Variants in PIWIL1 observed in about 807,000 individuals in gnomAD.
PIWIL1 encodes piwi-like protein 1.
A neutral mutation model predicts 114.4 loss-of-function variants in PIWIL1; 73 were observed. The ratio of observed to expected loss-of-function variants is 0.64; its 90% confidence interval spans 0.53 to 0.78. PIWIL1 has a LOEUF of 0.78. Ranked by LOEUF, PIWIL1 falls within the 30% of genes least tolerant of loss-of-function variation. PIWIL1 has a pLI of 0.00. For missense variants in PIWIL1, 723 were observed against 1,063.1 expected (o/e 0.68, Z 4.45); for synonymous variants, 375 against 369.0 (o/e 1.02, Z -0.19).
chr12:130,391,632 G>T, the PIWIL1 span, among the ~76,000 whole-genome samples: 1 of 152,166 alleles, frequency 6.6e-6, no homozygotes, highest in African/African-American at 2.4e-5. Context: ...AGTGCGGAAT[G>T]GTCACGAGGC....
chr12:130,413,378 C>A, the PIWIL1 span, among the ~76,000 whole-genome samples: 9 of 152,092 alleles, frequency 5.9e-5, no homozygotes, highest in Non-Finnish European at 1.0e-4. Flanking sequence ...GCCTGTAATC[C>A]CAGCACTTTG....
chr12:130,354,817 C>A lies in PIWIL1; in HGVS notation c.1172-71C>A, dbSNP rs1172400447. 3.6e-6 allele frequency: 5 copies of A among 1,399,088 alleles called. No homozygotes were observed. In the African/African-American group the frequency reaches 4.3e-5, roughly 12 times the overall value. 86.7% of individuals were successfully genotyped at this position (1,399,088 alleles called of 1,614,324 possible). A position where few individuals can be genotyped will look rare whatever the true frequency, so the allele number is the denominator to read the frequency against. The stretch of plus-strand genomic sequence containing the variant: ...TCCTGGGAATTCCCACTCACCATCA[C>A]CCTATACTCCAGTTATTTAGACCTG... On this transcript the variant is annotated intron_variant, in intron 10 of 20. Transcript: ENST00000245255.
At chr12:130,420,621 C>T in the PIWIL1 span, among the ~76,000 whole-genome samples, 1 of 152,150 alleles carries the variant, frequency 6.6e-6, no homozygotes, top group South Asian at 2.1e-4. The surrounding 1 kb of genome is among the most constrained non-coding windows in gnomAD (Gnocchi z 4.3). Flanking sequence ...CAACAATATA[C>T]AGCCATTTGA....
At chr12:130,359,195 A>G (rs186021043) in intron 14 of PIWIL1, among the ~76,000 whole-genome samples, 66 of 152,228 alleles carry the variant, frequency 4.3e-4, no homozygotes, top group African/African-American at 1.6e-3. Flanking sequence ...CACCCAGCCT[A>G]ATGTAGCAAA....
At chr12:130,407,788 G>A in the PIWIL1 span, 31 of 1,613,998 alleles carry the variant, frequency 1.9e-5, 1 homozygote, top group South Asian at 6.6e-5. Flanking sequence ...ACCATTCTCC[G>A]CGTCGATACC....
In PIWIL1 at chr12:130,371,529, T is replaced by C. The variant is rs755719610; in HGVS notation, c.2517T>C (p.Ala839=). ...CTTGCCAGTACGCCCACAAGCTGGC[T>C]TTTCTTGTTGGCCAGAGTATTCACA... ...PAPCQYAHKL[A]FLVGQSIHRE... is the part of the protein sequence containing the mutation. The change falls in exon 21 of 21, where the codon GCT becomes GCC. Residue 839 remains alanine (A), a synonymous_variant. Coordinates refer to ENST00000245255, the MANE Select transcript of PIWIL1 (RefSeq NM_004764.5). The C allele has an allele frequency of 6.2e-7, 1 of 1,614,208 alleles. No individual in the cohort carries two copies. Among genetic ancestry groups the C allele is most frequent in the Non-Finnish European group, 8.5e-7 (1 of 1,180,040 alleles).
Position 130,343,003 on chromosome 12 carries a change from G to C in PIWIL1, c.92G>C (p.Gly31Ala), listed in dbSNP as rs755742617. The C allele has an allele frequency of 6.2e-7, 1 of 1,613,744 alleles. No homozygotes were observed. Among genetic ancestry groups the C allele is most frequent in the African/African-American group, 1.3e-5 (1 of 74,916 alleles). The change falls in exon 3 of 21, where the codon GGT becomes GCT. Residue 31 changes from glycine (G) to alanine (A), a missense_variant. Gly to Ala is a moderately conservative substitution (Grantham distance 60). Transcript: ENST00000245255. ...ATGTAACTACAGAGTCAGCAACCTG[G>C]TTATATTCAGCCTAGGCCTCAGCCG... Reference protein sequence around the residue: ...LVGSTASQQPGYIQPRPQPPP... With the variant: ...LVGSTASQQPAYIQPRPQPPP...
chr12:130,399,607 G>A, the PIWIL1 span: 2 of 1,537,828 alleles, frequency 1.3e-6, no homozygotes, highest in Admixed American at 1.8e-5. Context: ...AAAAATATCA[G>A]TGCAAAGATT....
intron 18 of PIWIL1, among the ~76,000 whole-genome samples, chr12:130,363,612 CTTTTT>C (rs34198016): frequency 2.4e-5 from 2 of 82,382 alleles, no homozygotes; most frequent in African/African-American, 1.0e-4. Context: ...TACTTTCTCC[CTTTTT>C]TTTTTTTTTT....
Position 130,371,439 on chromosome 12 carries a change from G to T in PIWIL1, c.2470-43G>T, listed in dbSNP as rs769408346. ...ATACTGAGATTTGCAATTGAAAGAG[G>T]CTAAGTCTAGAGTAATAGAACCTTT... On this transcript the variant is annotated intron_variant, in intron 20 of 20. Coordinates refer to ENST00000245255, the MANE Select transcript of PIWIL1 (RefSeq NM_004764.5). 4 of 1,608,038 alleles carry T rather than the reference G, an allele frequency of 2.5e-6. No homozygotes were observed. The East Asian group carries it at 8.9e-5, about 36-fold the overall frequency.
At chr12:130,382,611 G>C in the PIWIL1 span, among the ~76,000 whole-genome samples, 87 of 152,320 alleles carry the variant, frequency 5.7e-4, 1 homozygote, top group Admixed American at 5.6e-3. Flanking sequence ...GATTTTCTGA[G>C]TAATAACTTT....
chr12:130,421,687 TTA>T, the PIWIL1 span, among the ~76,000 whole-genome samples: 65 of 112,268 alleles, frequency 5.8e-4, no homozygotes, highest in South Asian at 9.8e-3. Context: ...CTCCCTGCAT[TTA>T]TATGTGTGTG....
At chr12:130,402,549 CTT>C in the PIWIL1 span, among the ~76,000 whole-genome samples, 1 of 152,142 alleles carries the variant, frequency 6.6e-6, no homozygotes, top group Non-Finnish European at 1.5e-5. Flanking sequence ...TACAGAATAA[CTT>C]TCTCTAAAAA....
the PIWIL1 span, among the ~76,000 whole-genome samples, chr12:130,384,167 C>T: frequency 6.6e-6 from 1 of 152,178 alleles, no homozygotes; most frequent in Non-Finnish European, 1.5e-5. Flanking sequence ...CCAGTTGATA[C>T]ATAAGCGAAT....
chr12:130,380,941 T>TA, the PIWIL1 span, among the ~76,000 whole-genome samples: 1 of 152,342 alleles, frequency 6.6e-6, no homozygotes, highest in African/African-American at 2.4e-5. Flanking sequence ...TTCTTTTTTT[T>TA]ACTAGACTTT....
chr12:130,399,426 G>C, the PIWIL1 span, among the ~76,000 whole-genome samples: 6 of 152,066 alleles, frequency 3.9e-5, no homozygotes, highest in African/African-American at 1.4e-4. Context: ...CTATAATGTA[G>C]GATGGGACAT....
chr12:130,362,912 A>G, intron 17 of PIWIL1, 76 bp downstream of exon 17: 1 of 1,609,890 alleles, frequency 6.2e-7, no homozygotes, highest in Non-Finnish European at 8.5e-7. Flanking sequence ...TGTGTTATTG[A>G]TGGGCCCAGA....
the PIWIL1 span, among the ~76,000 whole-genome samples, chr12:130,415,980 A>ACACAC: frequency 2.6e-3 from 386 of 149,420 alleles, 1 homozygote; most frequent in Middle Eastern, 6.9e-3. Flanking sequence ...CACACACACA[A>ACACAC]AATATACAGA....
chr12:130,355,506 T>C, intron 11 of PIWIL1, 47 bp from the exon 12 acceptor site: 1 of 1,344,086 alleles, frequency 7.4e-7, no homozygotes, highest in Non-Finnish European at 1.1e-6. Context: ...TGTGTCTTCT[T>C]GCTGTGTCTC....
Sources: allele counts gnomAD v4.1 joint callset (sites outside exome capture counted in the v4.1 genomes callset), GRCh38; gene constraint gnomAD v4.1.1; non-coding constraint Gnocchi (gnomAD v3.1); transcripts MANE v1.5; gene names NCBI Gene and HGNC (gene_info 2026-07-23, HGNC 2026-07-21).